CSMD1: variants seen among roughly 807,000 people sequenced by gnomAD.
CSMD1 encodes the protein CUB and sushi domain-containing protein 1.
In CSMD1, 213 loss-of-function variants were observed where a neutral mutation model predicts 417.5. That is an observed-to-expected ratio of 0.51 (90% CI 0.46 to 0.57). The LOEUF (loss-of-function observed/expected upper bound fraction) is 0.57, where lower values mean the gene tolerates loss of function less well. CSMD1 is among the 20% of genes least tolerant of loss of function. The pLI is 0.00. For missense variants in CSMD1, 6,923 were observed against 4,529.7 expected, an observed-to-expected ratio of 1.53 and a Z score of -15.17; for synonymous variants, 2,862 against 1,736.8, an observed-to-expected ratio of 1.65 and a Z score of -16.11.
chr8:3,529,337 T>G (rs914535439), intron 10 of CSMD1, among the ~76,000 whole-genome samples: 1 of 152,132 alleles, frequency 6.6e-6, no homozygotes, highest in Non-Finnish European at 1.5e-5. Context: ...GCCAACACAC[T>G]TAAGTGTACT....
At position 4,932,101 on chromosome 8, in the gene CSMD1, C is replaced by G. The variant is rs150534222; in HGVS notation, c.85+62231G>C. Among the ~76,000 whole-genome samples, 118 of 152,244 alleles carry G rather than the reference C, an allele frequency of 7.8e-4. 1 individual carries two copies. In the East Asian group the frequency reaches 0.015, roughly 20 times the overall value. ...TGAATGCATTTATTAAAGCAATTTT[C>G]ATTTGGAATCTTTCAATGTTTAATC... is the stretch of plus-strand genomic sequence containing the variant. On this transcript the variant is annotated intron_variant, in intron 1 of 69. Coordinates refer to ENST00000635120, the MANE Select transcript of CSMD1 (RefSeq NM_033225.6).
In CSMD1 at chr8:4,150,157, T is replaced by C. The variant is rs565085635; in HGVS notation, c.416-118058A>G. 2.1e-4 allele frequency among the ~76,000 whole-genome samples: 32 copies of C among 152,314 alleles called. No homozygotes were observed. In the South Asian group the frequency reaches 6.4e-3, roughly 31 times the overall value. Reference sequence around the variant, plus strand: ...GGAATAAACTGTGATATCTTGAGGATAGACAAAATCCAGGTATGTCCTGAG... The same window carrying C: ...GGAATAAACTGTGATATCTTGAGGACAGACAAAATCCAGGTATGTCCTGAG... On this transcript the variant is annotated intron_variant, in intron 3 of 69. Coordinates refer to ENST00000635120, the MANE Select transcript of CSMD1 (RefSeq NM_033225.6).
intron 5 of CSMD1, among the ~76,000 whole-genome samples, chr8:3,840,845 G>C (rs751371392): frequency 2.6e-5 from 4 of 151,798 alleles, no homozygotes; most frequent in Non-Finnish European, 4.4e-5. Context: ...CTGCCACTAC[G>C]TACAGGCGCC....
chr8:3,307,609 G>GCC, intron 25 of CSMD1, 86 bp downstream of exon 25: 1 of 1,394,810 alleles, frequency 7.2e-7, no homozygotes, highest in Non-Finnish European at 9.8e-7. Flanking sequence ...TTTAACCATG[G>GCC]ATATTTGGTG....
chr8:4,935,111 T>G (rs7014153), intron 1 of CSMD1, among the ~76,000 whole-genome samples: 152,290 of 152,352 alleles, frequency 1, 76,114 homozygotes, highest in Middle Eastern at 1. Context: ...CTGCCTTCAT[T>G]CCTTATAGCT....
At chr8:3,952,929 T>C (rs909198799) in intron 5 of CSMD1, among the ~76,000 whole-genome samples, 6 of 152,246 alleles carry the variant, frequency 3.9e-5, no homozygotes, top group Non-Finnish European at 8.8e-5. Flanking sequence ...ATTTATGTCT[T>C]CATTAATGAA....
At chr8:4,145,715 A>G (rs773574741) in intron 3 of CSMD1, among the ~76,000 whole-genome samples, 3 of 150,974 alleles carry the variant, frequency 2.0e-5, no homozygotes, top group Non-Finnish European at 4.4e-5. Flanking sequence ...AATGAAGAAC[A>G]TATATTTGAC....
intron 1 of CSMD1, among the ~76,000 whole-genome samples, chr8:4,710,787 A>G (rs1808238039): frequency 1.3e-5 from 2 of 151,776 alleles, no homozygotes; most frequent in Admixed American, 6.6e-5. Flanking sequence ...GGAGGATGAC[A>G]TGAGCCAAGA....
rs147154585 is a variant in CSMD1, at chr8:3,827,911, T to C, written c.819-73869A>G. Among the ~76,000 whole-genome samples, 17 of 152,300 alleles carry C rather than the reference T, an allele frequency of 1.1e-4. No individual in the cohort carries two copies. In the East Asian group the frequency reaches 2.7e-3, roughly 24 times the overall value. ...ATGGGCTCACTCAAAGGAAACAATA[T>C]AGTAAGCACTATTTAAAAGAGAAAA... On this transcript the variant is annotated intron_variant, in intron 5 of 69. Transcript: ENST00000635120.
chr8:2,965,855 T>A lies in CSMD1; in HGVS notation c.9200A>T (p.Tyr3067Phe), dbSNP rs1803910180. Reference sequence around the variant, plus strand: ...GGCGGATGTGACTGCTTCCATGACATAGCCTGGGTTACACTGATAGCTCAC... The same window carrying A: ...GGCGGATGTGACTGCTTCCATGACAAAGCCTGGGTTACACTGATAGCTCAC... ...KTVSYQCNPG[Y>F]VMEAVTSATI... The change falls in exon 59 of 70, where the codon TAT becomes TTT. Residue 3067 changes from tyrosine to phenylalanine, a missense_variant. By Grantham distance (22) the Tyr-to-Phe change is conservative (BLOSUM62 3). Coordinates refer to ENST00000635120, the MANE Select transcript of CSMD1 (RefSeq NM_033225.6). The A allele has an allele frequency of 1.2e-6, 2 of 1,609,372 alleles. No homozygotes were observed. Among genetic ancestry groups the A allele is most frequent in the African/African-American group, 2.7e-5 (2 of 74,858 alleles).
chr8:4,052,765 G>A (rs528418735), intron 3 of CSMD1, among the ~76,000 whole-genome samples: 92 of 152,008 alleles, frequency 6.1e-4, no homozygotes, highest in Non-Finnish European at 1.1e-3. Flanking sequence ...AAAAAAAATG[G>A]GATATCTGAG....
chr8:3,820,284 G>T (rs1311750104), intron 5 of CSMD1, among the ~76,000 whole-genome samples: 1 of 152,134 alleles, frequency 6.6e-6, no homozygotes, highest in Non-Finnish European at 1.5e-5. Context: ...ATATGTGTAG[G>T]ATATGTGAGC....
intron 3 of CSMD1, among the ~76,000 whole-genome samples, chr8:4,286,125 C>A (rs1023953114): frequency 6.6e-5 from 10 of 151,936 alleles, no homozygotes; most frequent in Non-Finnish European, 1.3e-4. Flanking sequence ...TAACGATATG[C>A]GCACATAACG....
Position 4,306,646 on chromosome 8 carries a change from A to G in CSMD1, c.415+113307T>C, listed in dbSNP as rs919505886. The stretch of plus-strand genomic sequence containing the variant: ...CTCATTCACACATCTGGATGTATCC[A>G]TTGTCGATCACATGTAGGTGATTGT... On this transcript the variant is annotated intron_variant, in intron 3 of 69. Coordinates refer to ENST00000635120, the MANE Select transcript of CSMD1 (RefSeq NM_033225.6). Among the ~76,000 whole-genome samples, 19 of 152,132 alleles carry G rather than the reference A, an allele frequency of 1.2e-4. No homozygotes were observed. In the East Asian group the frequency reaches 3.1e-3, roughly 25 times the overall value.
chr8:4,199,393 A>G (rs1411235149), intron 3 of CSMD1, among the ~76,000 whole-genome samples: 2 of 152,216 alleles, frequency 1.3e-5, no homozygotes, highest in Non-Finnish European at 2.9e-5. Flanking sequence ...TGGTGGAGTG[A>G]AAAGAATGGA....
chr8:3,010,252 C>A (rs753041679), intron 52 of CSMD1, among the ~76,000 whole-genome samples: 4 of 152,210 alleles, frequency 2.6e-5, no homozygotes, highest in Non-Finnish European at 5.9e-5. Flanking sequence ...AACACCCAGA[C>A]TCCTACTCTT....
intron 49 of CSMD1, among the ~76,000 whole-genome samples, chr8:3,076,453 T>G (rs2129001118): frequency 1.2e-5 from 1 of 80,832 alleles, no homozygotes; most frequent in South Asian, 2.7e-4. Context: ...CTAACGTACT[T>G]TTTTTGAGGG....
At chr8:3,484,365 A>T (rs940990213) in intron 11 of CSMD1, among the ~76,000 whole-genome samples, 2 of 152,250 alleles carry the variant, frequency 1.3e-5, no homozygotes, top group Admixed American at 6.5e-5. Context: ...GCTACTGAAC[A>T]GTTGGATACA....
At chr8:3,508,748 T>A (rs945347310) in intron 10 of CSMD1, among the ~76,000 whole-genome samples, 3 of 152,144 alleles carry the variant, frequency 2.0e-5, no homozygotes, top group African/African-American at 7.2e-5. Flanking sequence ...AAATTATCAT[T>A]CTATTTAGAC....
Sources: gnomAD v4.1 joint callset for allele counts (sites outside exome capture counted in the v4.1 genomes callset) on GRCh38, gnomAD v4.1.1 for gene constraint, MANE v1.5 for transcripts, NCBI Gene and HGNC (gene_info 2026-07-23, HGNC 2026-07-21) for gene names.